The following CA1 variants were observed in gnomAD, a reference collection of about 807,000 sequenced individuals.
CA1 encodes the protein carbonate dehydratase I.
A neutral mutation model predicts 28.8 loss-of-function variants in CA1; 27 were observed. That is an observed-to-expected ratio of 0.94 (90% CI 0.69 to 1.29). The LOEUF (loss-of-function observed/expected upper bound fraction) is 1.29. CA1 is among the 50% of genes most tolerant of loss of function. The pLI, the probability that CA1 is intolerant of heterozygous loss-of-function variation, is 0.00. For missense variants in CA1, 335 were observed against 310.5 expected (o/e 1.08, Z -0.59); for synonymous variants, 121 against 108.8 (o/e 1.11, Z -0.70).
At chr8:85,344,244 TTA>T (rs372545352) in intron 1 of CA1, among the ~76,000 whole-genome samples, 1,243 of 92,726 alleles carry the variant, frequency 0.013, 56 homozygotes, top group African/African-American at 0.049. Context: ...TAATATATAA[TTA>T]TATATTATAT....
chr8:85,351,717 T>C (rs894891377), intron 1 of CA1: 1 of 152,214 alleles, frequency 6.6e-6, no homozygotes, highest in African/African-American at 2.4e-5. Flanking sequence ...GCTTTCAGTC[T>C]CCTTCCTACT....
At position 85,372,892 on chromosome 8, in the gene CA1, A is replaced by T. The variant is rs764705360; in HGVS notation, c.-25+5154T>A. Among the ~76,000 whole-genome samples the T allele has an allele frequency of 3.6e-4, 55 of 152,072 alleles. 1 individual carries two copies. Among genetic ancestry groups the T allele is most frequent in the Admixed American group, 2.6e-3 (39 of 15,254 alleles). ...CTCAGTTATCAGATTTTCTGTTGCCATGTTGCAGTGCTTGTGTTCAAGTAA... is the reference window on the plus strand; with the variant it reads ...CTCAGTTATCAGATTTTCTGTTGCCTTGTTGCAGTGCTTGTGTTCAAGTAA... On this transcript the variant is annotated intron_variant, in intron 1 of 7. Transcript: ENST00000523022.
intron 1 of CA1, among the ~76,000 whole-genome samples, chr8:85,375,199 TCTCCA>T (rs764100047): frequency 5.9e-5 from 9 of 152,112 alleles, no homozygotes; most frequent in Non-Finnish European, 1.0e-4. Flanking sequence ...TTTTTGCTTC[TCTCCA>T]CTGTGCTATT....
chr8:85,371,491 G>T (rs1225685083), intron 1 of CA1, among the ~76,000 whole-genome samples: 1 of 151,948 alleles, frequency 6.6e-6, no homozygotes, highest in Non-Finnish European at 1.5e-5. Flanking sequence ...CAAAGAACGG[G>T]GTCTCTGAAT....
chr8:85,346,556 A>T (rs1195650644), intron 1 of CA1, among the ~76,000 whole-genome samples: 1 of 152,052 alleles, frequency 6.6e-6, no homozygotes, highest in East Asian at 1.9e-4. Flanking sequence ...GAGTTCAGGA[A>T]TTTGAGACCA....
intron 1 of CA1, among the ~76,000 whole-genome samples, chr8:85,354,718 A>G (rs1334958212): frequency 6.6e-6 from 1 of 152,160 alleles, no homozygotes; most frequent in Non-Finnish European, 1.5e-5. Flanking sequence ...GTCTTTATAA[A>G]TAGCTCTCCA....
At chr8:85,344,384 A>G (rs941521304) in intron 1 of CA1, among the ~76,000 whole-genome samples, 3 of 145,522 alleles carry the variant, frequency 2.1e-5, no homozygotes, top group African/African-American at 7.5e-5. Flanking sequence ...TTATTTATTA[A>G]CACCAATTAA....
chr8:85,368,553 T>C (rs1274397113), intron 1 of CA1, among the ~76,000 whole-genome samples: 1 of 152,150 alleles, frequency 6.6e-6, no homozygotes, highest in African/African-American at 2.4e-5. Context: ...TTTCACATTT[T>C]CTTTGTGTGA....
At chr8:85,338,147 C>T in intron 3 of CA1, 105 bp downstream of exon 3, 1 of 1,033,054 alleles carries the variant, frequency 9.7e-7, no homozygotes, top group Non-Finnish European at 1.5e-6. Context: ...ATGCTGCACA[C>T]AAGCACAAAA....
At chr8:85,355,179 A>G (rs892492629) in intron 1 of CA1, among the ~76,000 whole-genome samples, 7 of 152,148 alleles carry the variant, frequency 4.6e-5, no homozygotes, top group Non-Finnish European at 7.3e-5. Flanking sequence ...CCAGAGGTTG[A>G]GAGAAATGCA....
intron 1 of CA1, among the ~76,000 whole-genome samples, chr8:85,351,338 C>T (rs1041158207): frequency 2.0e-5 from 3 of 152,144 alleles, no homozygotes; most frequent in African/African-American, 7.2e-5. Flanking sequence ...TGAAACTTTG[C>T]TTAAGGATTC....
At chr8:85,331,291 A>T (rs961384106) in intron 6 of CA1, among the ~76,000 whole-genome samples, 1 of 152,036 alleles carries the variant, frequency 6.6e-6, no homozygotes, top group African/African-American at 2.4e-5. Context: ...ATCTTTAGTC[A>T]CAACCTATTT....
chr8:85,353,730 G>A (rs1809497844), intron 1 of CA1, among the ~76,000 whole-genome samples: 1 of 151,010 alleles, frequency 6.6e-6, no homozygotes, highest in African/African-American at 2.4e-5. Context: ...TGTTTATTTA[G>A]CCATTCCTCA....
chr8:85,376,142 C>A (rs140059469), intron 1 of CA1, among the ~76,000 whole-genome samples: 170 of 152,148 alleles, frequency 1.1e-3, no homozygotes, highest in African/African-American at 3.7e-3. Flanking sequence ...ACCAGCCTGG[C>A]CAACATGGCG....
At chr8:85,357,297 C>T (rs184342374) in intron 1 of CA1, among the ~76,000 whole-genome samples, 6 of 152,272 alleles carry the variant, frequency 3.9e-5, no homozygotes, top group Admixed American at 2.0e-4. Context: ...ACAAAGGCAA[C>T]GTGTCTGGTA....
At chr8:85,333,822 C>T (rs943953352) in intron 4 of CA1, among the ~76,000 whole-genome samples, 11 of 152,190 alleles carry the variant, frequency 7.2e-5, no homozygotes, top group Non-Finnish European at 1.3e-4. Context: ...ATTACAAAAC[C>T]TGGAACCAGT....
chr8:85,341,475 A>G (rs964872040), intron 2 of CA1, 124 bp downstream of exon 2: 9 of 703,138 alleles, frequency 1.3e-5, no homozygotes, highest in Non-Finnish European at 2.3e-5. Flanking sequence ...TAGTATAATT[A>G]TTTAAAGCAG....
At chr8:85,354,396 C>A (rs1809528262) in intron 1 of CA1, among the ~76,000 whole-genome samples, 1 of 151,786 alleles carries the variant, frequency 6.6e-6, no homozygotes, top group Non-Finnish European at 1.5e-5. Flanking sequence ...CTCTTAGATA[C>A]ACCCCAGAGT....
At chr8:85,368,720 AAAG>A (rs964470768) in intron 1 of CA1, among the ~76,000 whole-genome samples, 1 of 152,122 alleles carries the variant, frequency 6.6e-6, no homozygotes, top group African/African-American at 2.4e-5. Flanking sequence ...CAGGTAAAAA[AAAG>A]AGAGAAAACT....
Sources: allele counts gnomAD v4.1 joint callset (sites outside exome capture counted in the v4.1 genomes callset), GRCh38; gene constraint gnomAD v4.1.1; transcripts MANE v1.5; gene names NCBI Gene and HGNC (gene_info 2026-07-23, HGNC 2026-07-21).